The following CACNB2 variants were observed in gnomAD, a reference collection of about 807,000 sequenced individuals.
CACNB2 encodes calcium voltage-gated channel auxiliary subunit beta 2.
A neutral mutation model predicts 73.3 loss-of-function variants in CACNB2; 42 were observed. The observed-to-expected ratio is 0.57, with a 90% confidence interval of 0.45 to 0.74. The LOEUF is 0.74. Among genes scored for constraint, CACNB2 ranks in the 30% least tolerant of loss-of-function variants. The pLI, the probability that CACNB2 is intolerant of heterozygous loss-of-function variation, is 0.00. For missense variants in CACNB2, 940 were observed against 853.0 expected, an observed-to-expected ratio of 1.10 and a Z score of -1.27; for synonymous variants, 348 against 310.3, an observed-to-expected ratio of 1.12 and a Z score of -1.28.
intron 2 of CACNB2, among the ~76,000 whole-genome samples, chr10:18,223,508 C>A (rs1234590723): frequency 6.6e-6 from 1 of 152,080 alleles, no homozygotes; most frequent in Non-Finnish European, 1.5e-5. Flanking sequence ...TTTTCAGGAG[C>A]AATCGTTATA....
At chr10:18,516,480 G>T (rs931073605) in intron 7 of CACNB2, among the ~76,000 whole-genome samples, 1 of 152,156 alleles carries the variant, frequency 6.6e-6, no homozygotes, top group Admixed American at 6.5e-5. Context: ...AAATTTCTTG[G>T]TAGCTGTTAC....
intron 2 of CACNB2, among the ~76,000 whole-genome samples, chr10:18,216,749 T>G (rs1588722683): frequency 6.6e-6 from 1 of 152,330 alleles, no homozygotes; most frequent in East Asian, 1.9e-4. Flanking sequence ...AAATCCATTA[T>G]GTGAAATTCA....
chr10:18,453,152 T>G lies in CACNB2; in HGVS notation c.334-45203T>G, dbSNP rs192847904. ...AACTATTAATATTAGAACAGCCTTT[T>G]GACCTGTCTCCTCCTCTCTCTCTTG... On this transcript the variant is annotated intron_variant, in intron 3 of 13. Coordinates refer to ENST00000324631, the MANE Select transcript of CACNB2 (RefSeq NM_201596.3). Among the ~76,000 whole-genome samples the G allele has an allele frequency of 2.8e-3, 431 of 152,332 alleles. 2 individuals are homozygous for G. The highest frequency in any genetic ancestry group is 0.01 in the African/African-American group (419 of 41,578).
intron 3 of CACNB2, among the ~76,000 whole-genome samples, chr10:18,443,274 T>C (rs1443420974): frequency 6.6e-6 from 1 of 151,908 alleles, no homozygotes; most frequent in Non-Finnish European, 1.5e-5. Flanking sequence ...AGAAACACCC[T>C]AGTGTCCTAA....
chr10:18,336,456 T>C (rs2041009773), intron 2 of CACNB2, among the ~76,000 whole-genome samples: 1 of 152,088 alleles, frequency 6.6e-6, no homozygotes, highest in South Asian at 2.1e-4. Flanking sequence ...TCATCTCTAC[T>C]AAAAGTACAA....
At chr10:18,367,126 AT>A (rs566941454) in intron 2 of CACNB2, among the ~76,000 whole-genome samples, 279 of 152,220 alleles carry the variant, frequency 1.8e-3, no homozygotes, top group Non-Finnish European at 2.9e-3. Context: ...ATTTTTCATC[AT>A]TTTTTTAACC....
intron 3 of CACNB2, among the ~76,000 whole-genome samples, chr10:18,462,734 T>C (rs1035329844): frequency 6.6e-6 from 1 of 151,952 alleles, no homozygotes; most frequent in Non-Finnish European, 1.5e-5. Flanking sequence ...TTTTATATTT[T>C]TTACTTACGT....
chr10:18,493,160 A>C (rs1317030501), intron 3 of CACNB2, among the ~76,000 whole-genome samples: 2 of 152,138 alleles, frequency 1.3e-5, no homozygotes, highest in Non-Finnish European at 2.9e-5. Context: ...GTTATGCGCA[A>C]ATAGTACGCT....
chr10:18,241,186 C>G (rs1432321836), intron 2 of CACNB2, among the ~76,000 whole-genome samples: 2 of 152,088 alleles, frequency 1.3e-5, no homozygotes, highest in African/African-American at 2.4e-5. Flanking sequence ...TGTGTAAAAC[C>G]AAGCTGTGCC....
rs1348547762 is a variant in CACNB2 at position 18,246,132 on chromosome 10, C to A, written c.213+95157C>A. On this transcript the variant is annotated intron_variant, in intron 2 of 13. Coordinates refer to ENST00000324631, the MANE Select transcript of CACNB2 (RefSeq NM_201596.3). ...GTCTACTGGGTTAAACACACCAATT[C>A]TCTATTCAGACTGCCTAGAATTGAA... is the stretch of plus-strand genomic sequence containing the variant. Among the ~76,000 whole-genome samples the A allele has an allele frequency of 7.9e-5, 12 of 152,282 alleles. No individual in the cohort carries two copies. The South Asian group carries it at 1.5e-3, about 18-fold the overall frequency.
In CACNB2 at chr10:18,514,220, A is replaced by C. The variant is rs2051053037; in HGVS notation, c.671-16A>C. 2.5e-6 allele frequency: 4 copies of C among 1,613,686 alleles called. No homozygotes were observed. In the African/African-American group the frequency reaches 5.3e-5, roughly 22 times the overall value. On this transcript the variant is annotated splice_polypyrimidine_tract_variant and intron_variant, in intron 6 of 13. Coordinates refer to ENST00000324631, the MANE Select transcript of CACNB2 (RefSeq NM_201596.3). The stretch of plus-strand genomic sequence containing the variant: ...TCCTCTCCTGTCCACCTGATTTTTG[A>C]ATTGTCTGTATATAGCTATAGACAT...
chr10:18,148,199 A>G (rs1210663591), intron 1 of CACNB2, among the ~76,000 whole-genome samples: 1 of 152,210 alleles, frequency 6.6e-6, no homozygotes, highest in Non-Finnish European at 1.5e-5. Flanking sequence ...TTAATATGAT[A>G]TATGATAGGG....
At chr10:18,519,871 C>T (rs779193836) in intron 9 of CACNB2, 34 of 389,584 alleles carry the variant, frequency 8.7e-5, no homozygotes, top group Non-Finnish European at 1.1e-4. Context: ...ATTTTCAGCC[C>T]TAATCTTACT....
chr10:18,416,839 A>G (rs2044997607), intron 3 of CACNB2, among the ~76,000 whole-genome samples: 1 of 152,092 alleles, frequency 6.6e-6, no homozygotes, highest in Non-Finnish European at 1.5e-5. Context: ...AAGCAGATAT[A>G]GTTACCCCAT....
intron 3 of CACNB2, among the ~76,000 whole-genome samples, chr10:18,439,334 G>A (rs2046303396): frequency 6.6e-6 from 1 of 152,190 alleles, no homozygotes; most frequent in Admixed American, 6.5e-5. Context: ...ATCTCCAGCA[G>A]TAAGACACAA....
chr10:18,279,044 G>T (rs1227354660), intron 2 of CACNB2, among the ~76,000 whole-genome samples: 1 of 152,122 alleles, frequency 6.6e-6, no homozygotes, highest in African/African-American at 2.4e-5. Flanking sequence ...GTATGTTTTG[G>T]TTTGAAATTG....
At chr10:18,177,999 G>A (rs561374468) in intron 2 of CACNB2, among the ~76,000 whole-genome samples, 4 of 152,078 alleles carry the variant, frequency 2.6e-5, no homozygotes, top group African/African-American at 7.2e-5. Flanking sequence ...CCATCCACTG[G>A]CACAGTGACC....
At chr10:18,244,080 G>A (rs375543857) in intron 2 of CACNB2, among the ~76,000 whole-genome samples, 1 of 152,310 alleles carries the variant, frequency 6.6e-6, no homozygotes, top group African/African-American at 2.4e-5. Context: ...GGAAGATGTT[G>A]CTGGCTTTTA....
intron 2 of CACNB2, among the ~76,000 whole-genome samples, chr10:18,335,180 T>C (rs1331403946): frequency 6.6e-6 from 1 of 151,712 alleles, no homozygotes; most frequent in Non-Finnish European, 1.5e-5. Flanking sequence ...TAAATTAAGA[T>C]AGCCTTTCTT....
Sources: allele counts gnomAD v4.1 joint callset (sites outside exome capture counted in the v4.1 genomes callset), GRCh38; gene constraint gnomAD v4.1.1; transcripts MANE v1.5; gene names NCBI Gene and HGNC (gene_info 2026-07-23, HGNC 2026-07-21).